NFATC3: variants seen among roughly 807,000 people sequenced by gnomAD.
The protein encoded by NFATC3 is nuclear factor of activated T cells 3, also known as nuclear factor of activated T-cells, cytoplasmic 3.
Under a neutral mutation model 98.6 loss-of-function variants are expected in NFATC3, and 46 were observed. That is an observed-to-expected ratio of 0.47 (90% CI 0.37 to 0.60). NFATC3 has a LOEUF of 0.60. Ranked by LOEUF, NFATC3 falls within the 20% of genes least tolerant of loss-of-function variation. The pLI, the probability that NFATC3 is intolerant of heterozygous loss-of-function variation, is 0.00. For missense variants in NFATC3, 1,256 were observed against 1,295.5 expected (o/e 0.97, Z 0.47); for synonymous variants, 512 against 472.2 (o/e 1.08, Z -1.09).
intron 3 of NFATC3, among the ~76,000 whole-genome samples, chr16:68,135,470 A>AAG: frequency 6.6e-6 from 1 of 151,074 alleles, no homozygotes; most frequent in East Asian, 1.9e-4. Context: ...AAAAAAAAAA[A>AAG]AAAAAAAAAA....
chr16:68,198,866 G>A (rs761761788), intron 9 of NFATC3, among the ~76,000 whole-genome samples: 2 of 152,160 alleles, frequency 1.3e-5, no homozygotes, highest in Non-Finnish European at 1.5e-5. Context: ...GGCCAACATG[G>A]TGAAACCCCG....
rs778770193 is a variant in NFATC3 at position 68,201,957 on chromosome 16, C to CAA, written c.3106+10208_3106+10209dup. 3.2e-3 allele frequency among the ~76,000 whole-genome samples: 75 copies of CAA among 23,610 alleles called. 3 individuals carry two copies. The highest frequency in any genetic ancestry group is 0.012 in the East Asian group (5 of 434). 15.5% of individuals were successfully genotyped at this position (23,610 alleles called of 152,430 possible). A position where few individuals can be genotyped will look rare whatever the true frequency, so the allele number is the denominator to read the frequency against. On this transcript the variant is annotated intron_variant, in intron 9 of 9. Transcript: ENST00000346183. Reference sequence around the variant, plus strand: ...TGGGCAACAGAGTGAGACTCCATCTCAAAAAAAAAAAAAAAAAAAAAAAAA... The same window carrying CAA: ...TGGGCAACAGAGTGAGACTCCATCTCAAAAAAAAAAAAAAAAAAAAAAAAAAA...
intron 4 of NFATC3, among the ~76,000 whole-genome samples, chr16:68,162,958 C>T (rs1221389648): frequency 6.8e-6 from 1 of 147,456 alleles, no homozygotes; most frequent in East Asian, 2.0e-4. Flanking sequence ...TAACAACGAG[C>T]ACGCTGCCTT....
chr16:68,103,047 T>A (rs957524582), intron 1 of NFATC3, among the ~76,000 whole-genome samples: 5 of 152,182 alleles, frequency 3.3e-5, no homozygotes, highest in Non-Finnish European at 5.9e-5. Context: ...CATTTTTTAA[T>A]TCAGCTGTTT....
chr16:68,085,838 ATCTCTCG>A, intron 1 of NFATC3, 54 bp downstream of exon 1: 1 of 1,296,296 alleles, frequency 7.7e-7, no homozygotes, highest in South Asian at 1.6e-5. Context: ...CGCTCGCAGG[ATCTCTCG>A]CTCCCTCCCT....
chr16:68,129,380 G>A (rs527452082), intron 3 of NFATC3, among the ~76,000 whole-genome samples: 87 of 152,248 alleles, frequency 5.7e-4, no homozygotes, highest in African/African-American at 1.8e-3. Flanking sequence ...ACTGATTGAA[G>A]AATTATTTCA....
chr16:68,158,094 G>A (rs1291162939), intron 4 of NFATC3, 26 bp downstream of exon 4: 2 of 1,502,910 alleles, frequency 1.3e-6, no homozygotes, highest in South Asian at 1.2e-5. Flanking sequence ...CCTAAAATGT[G>A]CAGTTCTTTT....
chr16:68,199,189 G>A (rs551218635), intron 9 of NFATC3, among the ~76,000 whole-genome samples: 5 of 151,804 alleles, frequency 3.3e-5, no homozygotes, highest in Non-Finnish European at 5.9e-5. Context: ...GCACTGCAGC[G>A]TGGGCAACAG....
intron 1 of NFATC3, among the ~76,000 whole-genome samples, chr16:68,087,105 T>A (rs1321780338): frequency 6.6e-6 from 1 of 152,156 alleles, no homozygotes; most frequent in Non-Finnish European, 1.5e-5. Flanking sequence ...AAAGTGGCAT[T>A]TGTGGAGAGT....
intron 3 of NFATC3, among the ~76,000 whole-genome samples, chr16:68,144,064 A>G (rs1299980645): frequency 6.6e-6 from 1 of 152,194 alleles, no homozygotes; most frequent in Admixed American, 6.5e-5. Flanking sequence ...TGAAAAGACA[A>G]GCTACAGACA....
intron 4 of NFATC3, among the ~76,000 whole-genome samples, chr16:68,165,432 T>A (rs2039147100): frequency 6.7e-6 from 1 of 149,362 alleles, no homozygotes; most frequent in African/African-American, 2.5e-5. Flanking sequence ...AGTCTTGCTC[T>A]GTTGCCCAGG....
chr16:68,174,514 G>A lies in NFATC3; in HGVS notation c.1915G>A (p.Asp639Asn). The change falls in exon 6 of 10, where the codon GAT (aspartate) becomes AAT (asparagine). Residue 639 changes from aspartate to asparagine, a missense_variant and splice_region_variant. Asp to Asn is a conservative substitution (Grantham distance 23). This residue lies in a region of NFATC3 where 636 missense variants were observed against 617.3 expected (regional missense o/e 1.03). Transcript: ENST00000346183. The stretch of plus-strand genomic sequence containing the variant: ...AATCATTTTTCTTGAAAAAGGACAA[G>A]GTAAGTAATATATGAGTTGATTGAC... ...SKIIFLEKGQ[D>N]GRPQWEVEGK... 6.3e-7 allele frequency: 1 copy of A among 1,593,630 alleles called. No homozygotes were observed. The highest frequency in any genetic ancestry group is 8.5e-7 in the Non-Finnish European group (1 of 1,171,446).
chr16:68,209,668 TCAACCTA>T (rs1407383237), intron 9 of NFATC3: 16 of 409,302 alleles, frequency 3.9e-5, no homozygotes, highest in Admixed American at 8.6e-5. Flanking sequence ...GAACACCAAA[TCAACCTA>T]CTTAAGGTTG....
chr16:68,173,788 G>T (rs1162566562), intron 5 of NFATC3, among the ~76,000 whole-genome samples: 1 of 152,170 alleles, frequency 6.6e-6, no homozygotes, highest in African/African-American at 2.4e-5. Context: ...TGAGGTAAAT[G>T]TGTTGGAGTC....
rs140177995 is a variant in NFATC3 at position 68,161,692 on chromosome 16, A to T, written c.1601+3624A>T. On this transcript the variant is annotated intron_variant, in intron 4 of 9. Coordinates refer to ENST00000346183, the MANE Select transcript of NFATC3 (RefSeq NM_173165.3). ...GTTTACAGTAATTATAGTAATTTGT[A>T]CAACTCTAGACTTGGAGTTTACTTC... is the stretch of plus-strand genomic sequence containing the variant. Among the ~76,000 whole-genome samples the T allele has an allele frequency of 1.2e-4, 19 of 152,352 alleles. No individual in the cohort carries two copies. The East Asian group carries it at 3.7e-3, about 29-fold the overall frequency.
chr16:68,095,392 A>G (rs796786627), intron 1 of NFATC3, among the ~76,000 whole-genome samples: 2 of 131,654 alleles, frequency 1.5e-5, no homozygotes, highest in Admixed American at 8.9e-5. Flanking sequence ...TCACTCTGTC[A>G]CCTAGGCTGG....
chr16:68,185,214 C>T (rs1186062022), intron 8 of NFATC3, among the ~76,000 whole-genome samples: 1 of 152,108 alleles, frequency 6.6e-6, no homozygotes, highest in Non-Finnish European at 1.5e-5. Flanking sequence ...TGACCTCAGG[C>T]AATCCGCTTG....
At chr16:68,216,197 A>G (rs994594547) in intron 9 of NFATC3, among the ~76,000 whole-genome samples, 1 of 152,120 alleles carries the variant, frequency 6.6e-6, no homozygotes, top group Non-Finnish European at 1.5e-5. Context: ...GCCCTTAGAG[A>G]TAGATTTGGG....
At position 68,095,523 on chromosome 16, in the gene NFATC3, T is replaced by A. The variant is rs112106564; in HGVS notation, c.103+9739T>A. 6.8e-3 allele frequency among the ~76,000 whole-genome samples: 1,034 copies of A among 151,840 alleles called. 10 individuals carry two copies. Among genetic ancestry groups the A allele is most frequent in the Middle Eastern group, 0.014 (4 of 292 alleles). ...TGTGTGTCACCGTGCCTGGCTAATT[T>A]TTGTATTCTTAGTAGAGACAGGGTT... On this transcript the variant is annotated intron_variant, in intron 1 of 9. Transcript: ENST00000346183.
Sources: allele counts gnomAD v4.1 joint callset (sites outside exome capture counted in the v4.1 genomes callset), GRCh38; gene constraint gnomAD v4.1.1; regional missense constraint gnomAD v4.1.1; transcripts MANE v1.5; gene names NCBI Gene and HGNC (gene_info 2026-07-23, HGNC 2026-07-21).